FRMD4A: variants seen among roughly 807,000 people sequenced by gnomAD.
FRMD4A encodes FERM domain-containing protein 4A.
A neutral mutation model predicts 129.1 loss-of-function variants in FRMD4A; 29 were observed. The ratio of observed to expected loss-of-function variants is 0.22; its 90% CI spans 0.17 to 0.31. The LOEUF (loss-of-function observed/expected upper bound fraction) is 0.31, where lower values mean the gene tolerates loss of function less well. Ranked by LOEUF, FRMD4A falls within the 10% of genes least tolerant of loss-of-function variation. The probability of loss-of-function intolerance (pLI) is 1.00; values close to 1 mark genes in which losing one functional copy is unlikely to be tolerated. For synonymous variants in FRMD4A, 634 were observed against 571.6 expected, an observed-to-expected ratio of 1.11 and a Z score of -1.56; for missense variants, 1,272 against 1,375.8, an observed-to-expected ratio of 0.92 and a Z score of 1.19.
chr10:13,688,425 A>G (rs1349865424), intron 15 of FRMD4A, among the ~76,000 whole-genome samples: 5 of 152,174 alleles, frequency 3.3e-5, no homozygotes, highest in African/African-American at 1.2e-4. Context: ...GGATAGCATT[A>G]GGAGATATAC....
chr10:14,159,713 C>A (rs1403742608), intron 2 of FRMD4A, among the ~76,000 whole-genome samples: 1 of 151,980 alleles, frequency 6.6e-6, no homozygotes, highest in Non-Finnish European at 1.5e-5. Flanking sequence ...ACAAAAACAA[C>A]AACAAAAAAA....
chr10:13,966,532 G>C (rs2095486229), intron 2 of FRMD4A, among the ~76,000 whole-genome samples: 1 of 152,228 alleles, frequency 6.6e-6, no homozygotes, highest in African/African-American at 2.4e-5. Flanking sequence ...GTTGAGAAGA[G>C]ACTGGAGATG....
At chr10:13,934,323 A>C (rs905827099) in intron 2 of FRMD4A, among the ~76,000 whole-genome samples, 4 of 152,232 alleles carry the variant, frequency 2.6e-5, no homozygotes, top group African/African-American at 9.6e-5. Flanking sequence ...TTGCATGAGG[A>C]CATCAGAATT....
intron 3 of FRMD4A, among the ~76,000 whole-genome samples, chr10:13,811,529 G>A (rs1248831882): frequency 2.7e-5 from 4 of 147,192 alleles, no homozygotes; most frequent in African/African-American, 7.5e-5. Context: ...CCAAGATCAC[G>A]CCACTGCACT....
intron 2 of FRMD4A, among the ~76,000 whole-genome samples, chr10:14,264,087 G>A: frequency 6.6e-6 from 1 of 152,108 alleles, no homozygotes; most frequent in East Asian, 1.9e-4. Flanking sequence ...CATCTCTCAA[G>A]AACTTTTCAC....
chr10:14,077,842 T>C (rs1462919548), intron 2 of FRMD4A, among the ~76,000 whole-genome samples: 1 of 152,234 alleles, frequency 6.6e-6, no homozygotes, highest in Non-Finnish European at 1.5e-5. Context: ...CATTCTCATA[T>C]AGGCTTAACA....
rs139030730 is a variant in FRMD4A, at chr10:14,187,528, C to A, written c.45+142530G>T. 1.8e-4 allele frequency among the ~76,000 whole-genome samples: 27 copies of A among 152,304 alleles called. No homozygotes were observed. The East Asian group carries it at 5.0e-3, about 28-fold the overall frequency. ...CATTTGCTTCGACCTATATCCCATG[C>A]CTTTCTCCATTTACCCCCAAATTGA... On this transcript the variant is annotated intron_variant, in intron 2 of 24. Coordinates refer to ENST00000357447, the MANE Select transcript of FRMD4A (RefSeq NM_018027.5).
intron 17 of FRMD4A, chr10:13,668,220 CAGAG>C (rs1240171330): frequency 5.3e-5 from 8 of 152,242 alleles, no homozygotes; most frequent in African/African-American, 1.9e-4. Flanking sequence ...GCTGTTGTCT[CAGAG>C]GGAGAAGAAT....
At chr10:14,111,734 A>G (rs889683613) in intron 2 of FRMD4A, among the ~76,000 whole-genome samples, 7 of 152,010 alleles carry the variant, frequency 4.6e-5, no homozygotes, top group Admixed American at 4.6e-4. Context: ...AATCTTATTG[A>G]GAGATTAGGT....
chr10:14,299,073 A>C (rs1589280813), intron 2 of FRMD4A, among the ~76,000 whole-genome samples: 1 of 152,212 alleles, frequency 6.6e-6, no homozygotes, highest in Non-Finnish European at 1.5e-5. Flanking sequence ...AAACTGGGAC[A>C]GTTCTGGGAC....
intron 2 of FRMD4A, among the ~76,000 whole-genome samples, chr10:14,320,691 A>G (rs975498826): frequency 2.0e-5 from 3 of 152,254 alleles, no homozygotes; most frequent in African/African-American, 7.2e-5. Context: ...CTAATGAGAT[A>G]TAAGTTCCCA....
At chr10:13,754,296 A>AC (rs2091763636) in intron 8 of FRMD4A, among the ~76,000 whole-genome samples, 2 of 152,040 alleles carry the variant, frequency 1.3e-5, no homozygotes, top group African/African-American at 4.8e-5. Context: ...CTGCAAAAAA[A>AC]AAACTACCCT....
Position 13,821,816 on chromosome 10 carries a change from CA to C in FRMD4A, c.112-10909del, listed in dbSNP as rs1255193237. Reference sequence around the variant, plus strand: ...ATCTGCCCAGCCCACTTCATGACGGCAGCAGAAAGGAAAGCCTAGAGGAGGC... The same window carrying C: ...ATCTGCCCAGCCCACTTCATGACGGCGCAGAAAGGAAAGCCTAGAGGAGGC... On this transcript the variant is annotated intron_variant, in intron 3 of 24. Coordinates refer to ENST00000357447, the MANE Select transcript of FRMD4A (RefSeq NM_018027.5). The surrounding 1 kb of genome is among the most constrained non-coding windows in gnomAD (Gnocchi z 4.3). Among the ~76,000 whole-genome samples, 1 of 152,140 alleles carries C rather than the reference CA, an allele frequency of 6.6e-6. No individual in the cohort carries two copies. The highest frequency in any genetic ancestry group is 1.5e-5 in the Non-Finnish European group (1 of 68,016).
chr10:13,659,037 G>A (rs1423123669), intron 21 of FRMD4A, among the ~76,000 whole-genome samples: 1 of 152,148 alleles, frequency 6.6e-6, no homozygotes, highest in Non-Finnish European at 1.5e-5. Context: ...CTCTTCCCAT[G>A]CTAACCCAGC....
chr10:13,880,767 A>G (rs2094537659), intron 2 of FRMD4A, among the ~76,000 whole-genome samples: 1 of 151,988 alleles, frequency 6.6e-6, no homozygotes, highest in Non-Finnish European at 1.5e-5. Context: ...TCTTTGCTCA[A>G]TGATCACCTT....
At chr10:13,894,137 A>C (rs2094731589) in intron 2 of FRMD4A, among the ~76,000 whole-genome samples, 1 of 152,168 alleles carries the variant, frequency 6.6e-6, no homozygotes, top group Non-Finnish European at 1.5e-5. Context: ...ACAGTGCCTG[A>C]AGCTGAGTGA....
rs369654919 is a variant in FRMD4A at position 13,780,094 on chromosome 10, G to C, written c.384+2828C>G. On this transcript the variant is annotated intron_variant, in intron 6 of 24. Coordinates refer to ENST00000357447, the MANE Select transcript of FRMD4A (RefSeq NM_018027.5). ...TAATCCCAACACTTTGGGAGGCCAA[G>C]GTGGATGGATCAACTTGAGGTCAGG... Among the ~76,000 whole-genome samples, 8 of 152,200 alleles carry C rather than the reference G, an allele frequency of 5.3e-5. No homozygotes were observed. The East Asian group carries it at 5.8e-4, about 11-fold the overall frequency.
chr10:13,978,153 C>T (rs1473283245), intron 2 of FRMD4A, among the ~76,000 whole-genome samples: 1 of 152,172 alleles, frequency 6.6e-6, no homozygotes, highest in African/African-American at 2.4e-5. Flanking sequence ...CCTTGCCAAT[C>T]TTGTTTCTGA....
intron 2 of FRMD4A, among the ~76,000 whole-genome samples, chr10:14,262,296 C>A (rs2132035136): frequency 6.6e-6 from 1 of 152,232 alleles, no homozygotes; most frequent in African/African-American, 2.4e-5. Context: ...ACTAGGTAAC[C>A]CTGGGTGAGT....
Sources: allele counts gnomAD v4.1 joint callset (sites outside exome capture counted in the v4.1 genomes callset), GRCh38; gene constraint gnomAD v4.1.1; non-coding constraint Gnocchi (gnomAD v3.1); transcripts MANE v1.5; gene names NCBI Gene and HGNC (gene_info 2026-07-23, HGNC 2026-07-21).